Variants in MOB3B observed in about 807,000 individuals in gnomAD.
MOB3B encodes the protein MOB kinase activator 3B, also known as MOB kinase activator-like 2B.
MOB3B carries 7 observed loss-of-function variants against 18.7 expected under a neutral mutation model. That is an observed-to-expected ratio of 0.37 (90% confidence interval 0.21 to 0.70). The LOEUF is 0.70. MOB3B is among the 30% of genes least tolerant of loss of function. MOB3B has a pLI of 0.52. For synonymous variants in MOB3B, 111 were observed against 99.9 expected, an observed-to-expected ratio of 1.11 and a Z score of -0.66; for missense variants, 253 against 281.3, an observed-to-expected ratio of 0.90 and a Z score of 0.72.
chr9:27,451,627 G>C (rs1822786455), intron 2 of MOB3B, among the ~76,000 whole-genome samples: 1 of 152,162 alleles, frequency 6.6e-6, no homozygotes, highest in Non-Finnish European at 1.5e-5. Context: ...TTGGATCACA[G>C]TGGGGAGGAG....
intron 1 of MOB3B, among the ~76,000 whole-genome samples, chr9:27,517,625 C>A (rs528420509): frequency 2.8e-4 from 33 of 118,394 alleles, no homozygotes; most frequent in Middle Eastern, 0.014. Flanking sequence ...TCCAGCCTGG[C>A]CGACAGAGCG....
chr9:27,450,515 CA>C (rs547005756), intron 2 of MOB3B, among the ~76,000 whole-genome samples: 12 of 151,204 alleles, frequency 7.9e-5, no homozygotes, highest in African/African-American at 2.7e-4. Context: ...TAATAATAAT[CA>C]AAAAAAAGAA....
chr9:27,385,547 C>A (rs1039064540), intron 2 of MOB3B, among the ~76,000 whole-genome samples: 1 of 152,140 alleles, frequency 6.6e-6, no homozygotes, highest in Non-Finnish European at 1.5e-5. Flanking sequence ...TCCCCACCAA[C>A]TTAAACAGCT....
intron 2 of MOB3B, among the ~76,000 whole-genome samples, chr9:27,408,111 G>A (rs1822014338): frequency 6.6e-6 from 1 of 152,158 alleles, no homozygotes; most frequent in Admixed American, 6.5e-5. Flanking sequence ...TGACACAGAA[G>A]GCTCACAACA....
At chr9:27,505,943 A>C (rs1374924277) in intron 1 of MOB3B, among the ~76,000 whole-genome samples, 1 of 152,226 alleles carries the variant, frequency 6.6e-6, no homozygotes, top group Non-Finnish European at 1.5e-5. Context: ...ATAACGTGTC[A>C]CCAATTACAC....
At chr9:27,443,850 G>A (rs1235124783) in intron 2 of MOB3B, among the ~76,000 whole-genome samples, 2 of 152,124 alleles carry the variant, frequency 1.3e-5, no homozygotes, top group African/African-American at 2.4e-5. Context: ...GAAAACCAAT[G>A]TACACATGAC....
chr9:27,375,343 G>C (rs1313001134), intron 2 of MOB3B, among the ~76,000 whole-genome samples: 1 of 152,212 alleles, frequency 6.6e-6, no homozygotes, highest in Non-Finnish European at 1.5e-5. Context: ...CGGAATCCCA[G>C]GGAGCATGAA....
At chr9:27,522,912 A>AATATAT (rs1488828659) in intron 1 of MOB3B, among the ~76,000 whole-genome samples, 2 of 134,288 alleles carry the variant, frequency 1.5e-5, no homozygotes, top group African/African-American at 6.2e-5. Flanking sequence ...CAAATAGAAT[A>AATATAT]ATATATATAT....
At chr9:27,498,894 T>C (rs1448335349) in intron 1 of MOB3B, among the ~76,000 whole-genome samples, 1 of 152,238 alleles carries the variant, frequency 6.6e-6, no homozygotes, top group African/African-American at 2.4e-5. Context: ...ACACTTTCTA[T>C]GAGCAAACAA....
At chr9:27,350,782 G>A (rs1448094762) in intron 3 of MOB3B, among the ~76,000 whole-genome samples, 1 of 151,892 alleles carries the variant, frequency 6.6e-6, no homozygotes, top group East Asian at 1.9e-4. Context: ...ACCAACAGCC[G>A]ATGCCACCCT....
At chr9:27,440,896 G>T (rs1055668629) in intron 2 of MOB3B, among the ~76,000 whole-genome samples, 1 of 152,114 alleles carries the variant, frequency 6.6e-6, no homozygotes. Context: ...GATCAGTTTT[G>T]TGGAAGACAA....
intron 2 of MOB3B, among the ~76,000 whole-genome samples, chr9:27,405,433 G>C (rs1030035104): frequency 1.3e-5 from 2 of 151,918 alleles, no homozygotes; most frequent in African/African-American, 4.8e-5. Context: ...GGATTATTTA[G>C]GTTTTTAAAA....
intron 1 of MOB3B, among the ~76,000 whole-genome samples, chr9:27,505,740 GC>G (rs1563885397): frequency 6.6e-6 from 1 of 152,126 alleles, no homozygotes; most frequent in African/African-American, 2.4e-5. Flanking sequence ...TCTTGCACCA[GC>G]CCTTGGATGC....
intron 2 of MOB3B, among the ~76,000 whole-genome samples, chr9:27,444,138 G>GAGAA (rs1822640316): frequency 6.8e-6 from 1 of 146,438 alleles, no homozygotes; most frequent in African/African-American, 2.5e-5. Context: ...AAGAGAGAGA[G>GAGAA]AGAAAGAAGA....
intron 2 of MOB3B, chr9:27,378,476 C>T: frequency 2.1e-6 from 1 of 471,290 alleles, no homozygotes. Flanking sequence ...TTCACCACTA[C>T]TCCTGGCGCA....
chr9:27,430,930 A>G (rs1430694538), intron 2 of MOB3B, among the ~76,000 whole-genome samples: 1 of 148,742 alleles, frequency 6.7e-6, no homozygotes, highest in Non-Finnish European at 1.5e-5. Context: ...CTGCTTGGGA[A>G]AAAAAAAAAA....
rs1412885373 is a variant in MOB3B, at chr9:27,325,458, T to A, written c.*5129A>T. On this transcript the variant is annotated 3_prime_UTR_variant, in exon 4 of 4. Transcript: ENST00000262244. ...ACTATAAGCTAGTAAAACAGGCGAA[T>A]TATTTGATTAGAAATGGACTCTTCC... The A allele has an allele frequency of 6.6e-6, 1 of 152,190 alleles. No individual in the cohort carries two copies. Among genetic ancestry groups the A allele is most frequent in the Admixed American group, 6.5e-5 (1 of 15,278 alleles). 9.4% of individuals were successfully genotyped at this position (152,190 alleles called of 1,614,324 possible).
At chr9:27,347,868 C>A (rs867068732) in intron 3 of MOB3B, among the ~76,000 whole-genome samples, 7 of 152,140 alleles carry the variant, frequency 4.6e-5, no homozygotes, top group African/African-American at 1.4e-4. Context: ...ATAGGCTATA[C>A]CACATAGCCT....
intron 2 of MOB3B, among the ~76,000 whole-genome samples, chr9:27,398,814 A>C (rs1821836730): frequency 6.6e-6 from 1 of 152,244 alleles, no homozygotes; most frequent in African/African-American, 2.4e-5. Context: ...GAATTTACTA[A>C]GAGAGATACC....
Sources: gnomAD v4.1 joint callset for allele counts (sites outside exome capture counted in the v4.1 genomes callset) on GRCh38, gnomAD v4.1.1 for gene constraint, MANE v1.5 for transcripts, NCBI Gene and HGNC (gene_info 2026-07-23, HGNC 2026-07-21) for gene names.